DAB1: variants seen among roughly 807,000 people sequenced by gnomAD.
The protein encoded by DAB1 is disabled homolog 1.
DAB1 carries 15 observed loss-of-function variants against 64.6 expected under a neutral mutation model. The observed-to-expected ratio is 0.23, with a 90% CI of 0.16 to 0.36. The LOEUF is 0.36. Among genes scored for constraint, DAB1 ranks in the 10% least tolerant of loss-of-function variants. DAB1 has a pLI of 1.00. For missense variants in DAB1, 596 were observed against 706.7 expected (o/e 0.84, Z 1.78); for synonymous variants, 235 against 251.9 (o/e 0.93, Z 0.64).
At chr1:58,350,297 G>A (rs879973418) in intron 3 of DAB1, among the ~76,000 whole-genome samples, 1 of 152,076 alleles carries the variant, frequency 6.6e-6, no homozygotes, top group African/African-American at 2.4e-5. Flanking sequence ...ACTTTTTGAT[G>A]GGGTTGTTTG....
At chr1:57,101,067 T>C (rs1418484143) in intron 4 of DAB1, among the ~76,000 whole-genome samples, 5 of 152,138 alleles carry the variant, frequency 3.3e-5, no homozygotes, top group Non-Finnish European at 7.4e-5. Flanking sequence ...CCAGATGGTC[T>C]GACCCCACAG....
intron 5 of DAB1, among the ~76,000 whole-genome samples, chr1:58,020,906 G>A (rs1646805995): frequency 6.6e-6 from 1 of 152,140 alleles, no homozygotes; most frequent in African/African-American, 2.4e-5. Flanking sequence ...GCGAGGCTGA[G>A]GCAGGAGAAT....
intron 7 of DAB1, among the ~76,000 whole-genome samples, chr1:57,491,991 C>T (rs1204299716): frequency 6.6e-6 from 1 of 152,140 alleles, no homozygotes; most frequent in African/African-American, 2.4e-5. Context: ...CTGACACATT[C>T]GGCTCCTGGA....
At chr1:57,721,841 A>G (rs1311676250) in intron 6 of DAB1, among the ~76,000 whole-genome samples, 1 of 152,184 alleles carries the variant, frequency 6.6e-6, no homozygotes, top group African/African-American at 2.4e-5. Flanking sequence ...TAATCTGGCC[A>G]GTTGGTTAAG....
At chr1:57,630,414 T>C (rs1479428725) in intron 7 of DAB1, among the ~76,000 whole-genome samples, 2 of 152,196 alleles carry the variant, frequency 1.3e-5, no homozygotes, top group Non-Finnish European at 2.9e-5. Context: ...GAAAATTGTC[T>C]CTTAAAGCTA....
chr1:57,290,322 G>A (rs1027110583), intron 2 of DAB1, among the ~76,000 whole-genome samples: 1 of 152,120 alleles, frequency 6.6e-6, no homozygotes, highest in Non-Finnish European at 1.5e-5. Context: ...TTAAAGTAGG[G>A]TCTCTGGACC....
At chr1:57,499,793 C>G (rs1644269826) in intron 7 of DAB1, among the ~76,000 whole-genome samples, 1 of 152,120 alleles carries the variant, frequency 6.6e-6, no homozygotes, top group Non-Finnish European at 1.5e-5. Context: ...AATTCAAGTC[C>G]TTTTCCAGGT....
chr1:57,454,605 G>A (rs1355696379), intron 7 of DAB1, among the ~76,000 whole-genome samples: 1 of 152,052 alleles, frequency 6.6e-6, no homozygotes, highest in Non-Finnish European at 1.5e-5. Flanking sequence ...AAACCCATGT[G>A]ACACGAGTTT....
In DAB1 at chr1:57,603,201, G is replaced by A. The variant is rs12129616; in HGVS notation, n.625+46391C>T. ...TTGGTCAGGCTGGTCGCGAACTCCC[G>A]ACCTTAGGTGATCCGCCTGCCTCAG... On this transcript the variant is annotated intron_variant and non_coding_transcript_variant, in intron 7 of 20. Coordinates refer to the DAB1 transcript ENST00000485760. 5.3e-5 allele frequency among the ~76,000 whole-genome samples: 8 copies of A among 152,092 alleles called. No individual in the cohort carries two copies. The South Asian group carries it at 6.2e-4, about 12-fold the overall frequency.
At chr1:58,101,756 G>A (rs762102292) in intron 5 of DAB1, among the ~76,000 whole-genome samples, 3 of 152,098 alleles carry the variant, frequency 2.0e-5, no homozygotes, top group Non-Finnish European at 4.4e-5. Context: ...CTAAACTTTG[G>A]TTTAAACTGT....
intron 7 of DAB1, among the ~76,000 whole-genome samples, chr1:57,523,037 T>C (rs768810189): frequency 1.3e-5 from 2 of 152,212 alleles, no homozygotes; most frequent in Non-Finnish European, 2.9e-5. Context: ...CAGACTGGCT[T>C]TCTTGCTCCT....
At chr1:57,147,672 T>A (rs569169101) in intron 2 of DAB1, among the ~76,000 whole-genome samples, 66 of 152,302 alleles carry the variant, frequency 4.3e-4, no homozygotes, top group African/African-American at 1.4e-3. Context: ...CATATGACAC[T>A]ATTTCAGTCC....
chr1:57,705,029 T>C (rs1003237952), intron 6 of DAB1, among the ~76,000 whole-genome samples: 1 of 152,138 alleles, frequency 6.6e-6, no homozygotes, highest in African/African-American at 2.4e-5. Flanking sequence ...TGTGGCATAA[T>C]AAAAATAGTA....
At chr1:57,213,927 G>A (rs903371169) in intron 2 of DAB1, among the ~76,000 whole-genome samples, 1 of 152,174 alleles carries the variant, frequency 6.6e-6, no homozygotes, top group Non-Finnish European at 1.5e-5. Flanking sequence ...AGGCACTGGG[G>A]TCTTAGACAT....
intron 4 of DAB1, among the ~76,000 whole-genome samples, chr1:58,329,078 C>A (rs1569648364): frequency 6.6e-6 from 1 of 152,206 alleles, no homozygotes; most frequent in African/African-American, 2.4e-5. Flanking sequence ...CCAGCTTCTA[C>A]ATACATCTAT....
intron 1 of DAB1, among the ~76,000 whole-genome samples, chr1:57,841,143 A>G (rs1208037485): frequency 4.6e-5 from 7 of 152,204 alleles, no homozygotes; most frequent in Non-Finnish European, 1.0e-4. Context: ...AAAACCCAAC[A>G]GGGTAGTCAT....
At chr1:58,190,441 A>G (rs1337545098) in intron 4 of DAB1, among the ~76,000 whole-genome samples, 2 of 152,170 alleles carry the variant, frequency 1.3e-5, no homozygotes, top group African/African-American at 4.8e-5. Context: ...CAAATAGGTT[A>G]CACTCTGACT....
intron 1 of DAB1, among the ~76,000 whole-genome samples, chr1:57,312,215 C>T (rs1674775284): frequency 6.6e-6 from 1 of 152,186 alleles, no homozygotes; most frequent in Admixed American, 6.5e-5. Flanking sequence ...AAATCCAGAA[C>T]TAGATGAGAG....
At chr1:57,176,990 A>AAAAAC in intron 2 of DAB1, among the ~76,000 whole-genome samples, 1 of 148,340 alleles carries the variant, frequency 6.7e-6, no homozygotes, top group Non-Finnish European at 1.5e-5. Flanking sequence ...AAAAAAAAAA[A>AAAAAC]AAGCCCTCAG....
Sources: gnomAD v4.1 joint callset for allele counts (sites outside exome capture counted in the v4.1 genomes callset) on GRCh38, gnomAD v4.1.1 for gene constraint, MANE v1.5 for transcripts, NCBI Gene and HGNC (gene_info 2026-07-23, HGNC 2026-07-21) for gene names.